SLCO4C1: variants seen among roughly 807,000 people sequenced by gnomAD.
The protein encoded by SLCO4C1 is solute carrier organic anion transporter family member 4C1, also known as organic anion transporter M1.
A neutral mutation model predicts 72.1 loss-of-function variants in SLCO4C1; 58 were observed. The ratio of observed to expected loss-of-function variants is 0.80; its 90% CI spans 0.65 to 1.00. The LOEUF (loss-of-function observed/expected upper bound fraction) is 1.00, where lower values mean the gene tolerates loss of function less well. Ranked by LOEUF, SLCO4C1 falls within the 50% of genes least tolerant of loss-of-function variation. The pLI is 0.00. For synonymous variants in SLCO4C1, 297 were observed against 312.5 expected, an observed-to-expected ratio of 0.95 and a Z score of 0.52; for missense variants, 898 against 857.9, an observed-to-expected ratio of 1.05 and a Z score of -0.58.
At chr5:102,269,352 AT>A (rs59773954) in intron 3 of SLCO4C1, among the ~76,000 whole-genome samples, 119,472 of 150,198 alleles carry the variant, frequency 0.8, 47,747 homozygotes, top group African/African-American at 0.9. Context: ...AGCTTTCTTT[AT>A]TTTTTTTTTC....
chr5:102,270,699 C>A lies in SLCO4C1; in HGVS notation c.727G>T (p.Gly243Ter). 1 of 1,613,152 alleles carries A rather than the reference C, an allele frequency of 6.2e-7. No homozygotes were observed. The highest frequency in any genetic ancestry group is 8.5e-7 in the Non-Finnish European group (1 of 1,179,490). ...ILGQLLLGAG[G>*]TPLYTLGTAF... is the part of the protein sequence containing the mutation. ...GTTCCCAGAGTATAAAGAGGAGTTCCTCCTGCCCCCAGCAATAGTTGTCCC... is the reference window on the plus strand; with the variant it reads ...GTTCCCAGAGTATAAAGAGGAGTTCATCCTGCCCCCAGCAATAGTTGTCCC... The change falls in exon 3 of 13, where the codon GGA becomes TGA. Residue 243 changes from glycine (G) to a stop codon, truncating the protein, a stop_gained. Transcript: ENST00000310954. LOFTEE classifies it high-confidence loss of function.
intron 3 of SLCO4C1, among the ~76,000 whole-genome samples, chr5:102,265,191 A>G (rs1397359930): frequency 6.6e-6 from 1 of 151,978 alleles, no homozygotes; most frequent in African/African-American, 2.4e-5. Context: ...TTGAGTTGTT[A>G]AAGTTCTTTA....
chr5:102,239,252 T>C lies in SLCO4C1; in HGVS notation c.2013A>G (p.Ile671Met). 6.4e-7 allele frequency: 1 copy of C among 1,563,454 alleles called. No homozygotes were observed. The highest frequency in any genetic ancestry group is 8.6e-7 in the Non-Finnish European group (1 of 1,160,206). The change falls in exon 12 of 13, where the codon ATA becomes ATG. Residue 671 changes from isoleucine to methionine, a missense_variant and splice_region_variant. Physicochemically the swap from Ile to Met is conservative, Grantham distance 10. Coordinates refer to ENST00000310954, the MANE Select transcript of SLCO4C1 (RefSeq NM_180991.5). The part of the protein sequence containing the change: ...NIKMAHMLVA[I>M]SVTCKVITMF... ...AATTATCAAGAAGTCACCACTTACT[T>C]ATGGCTACTAGCATATGGGCCATCT...
intron 2 of SLCO4C1, among the ~76,000 whole-genome samples, chr5:102,273,773 A>G (rs1437788172): frequency 1.3e-5 from 2 of 152,218 alleles, no homozygotes; most frequent in African/African-American, 4.8e-5. Flanking sequence ...AATCAGAAGC[A>G]AATTGTACTT....
chr5:102,256,941 T>A (rs72777939), intron 8 of SLCO4C1, among the ~76,000 whole-genome samples, 174 bp downstream of exon 8: 17,921 of 152,172 alleles, frequency 0.12, 1,262 homozygotes, highest in African/African-American at 0.16. Flanking sequence ...TCCCCAACTT[T>A]TAAGAAGACA....
intron 8 of SLCO4C1, among the ~76,000 whole-genome samples, chr5:102,255,625 T>C (rs570376108): frequency 2.8e-4 from 43 of 152,280 alleles, no homozygotes; most frequent in African/African-American, 9.6e-4. Flanking sequence ...TGGTTTAGCA[T>C]ATTCCCTCTC....
In SLCO4C1 at chr5:102,291,501, G is replaced by A; in HGVS notation, c.461C>T (p.Ser154Leu). 6.2e-7 allele frequency: 1 copy of A among 1,614,062 alleles called. No homozygotes were observed. The highest frequency in any genetic ancestry group is 8.5e-7 in the Non-Finnish European group (1 of 1,179,994). The change falls in exon 2 of 13, where the codon TCA (serine) becomes TTA (leucine). Residue 154 changes from serine to leucine, a missense_variant. Transcript: ENST00000310954. ...TGLISSSYDI[S>L]FCLLSLFVSF... ...TACAAATAAAGACAACAAACAGAAT[G>A]AAATATCGTAGCTTGATGAAATCAG...
At chr5:102,292,930 G>A (rs368947601) in intron 1 of SLCO4C1, among the ~76,000 whole-genome samples, 15 of 151,972 alleles carry the variant, frequency 9.9e-5, no homozygotes, top group African/African-American at 3.6e-4. Context: ...AAAAACATCT[G>A]ATTGAATTAA....
Position 102,242,077 on chromosome 5 carries a change from C to T in SLCO4C1, c.1812-1295G>A, listed in dbSNP as rs565700388. On this transcript the variant is annotated intron_variant, in intron 10 of 12. Coordinates refer to ENST00000310954, the MANE Select transcript of SLCO4C1 (RefSeq NM_180991.5). ...CAATTGTGAGGCAATAAAATCACTG[C>T]TGTCCTGTTAGAGCAGAAAGGAAAA... 1.7e-4 allele frequency among the ~76,000 whole-genome samples: 26 copies of T among 152,278 alleles called. No homozygotes were observed. In the South Asian group the frequency reaches 5.4e-3, roughly 32 times the overall value.
chr5:102,276,997 G>A (rs1749258941), intron 2 of SLCO4C1, among the ~76,000 whole-genome samples: 1 of 151,994 alleles, frequency 6.6e-6, no homozygotes, highest in Admixed American at 6.6e-5. Context: ...AGTACCCAAC[G>A]AACATAGTGG....
At chr5:102,286,316 C>G (rs1233606430) in intron 2 of SLCO4C1, among the ~76,000 whole-genome samples, 1 of 152,048 alleles carries the variant, frequency 6.6e-6, no homozygotes, top group Non-Finnish European at 1.5e-5. Flanking sequence ...AACTACTTTT[C>G]TACAATTCCT....
intron 9 of SLCO4C1, among the ~76,000 whole-genome samples, 182 bp from the exon 10 acceptor site, chr5:102,247,624 A>C (rs1314164243): frequency 6.6e-6 from 1 of 152,164 alleles, no homozygotes; most frequent in Non-Finnish European, 1.5e-5. Flanking sequence ...CATATTTATG[A>C]TGTGGAATTA....
At chr5:102,287,976 G>T (rs1457715308) in intron 2 of SLCO4C1, among the ~76,000 whole-genome samples, 1 of 152,048 alleles carries the variant, frequency 6.6e-6, no homozygotes, top group Non-Finnish European at 1.5e-5. Context: ...ATACCACAAT[G>T]ACACTTCTGT....
At chr5:102,266,962 A>C (rs1749053196) in intron 3 of SLCO4C1, among the ~76,000 whole-genome samples, 1 of 152,158 alleles carries the variant, frequency 6.6e-6, no homozygotes, top group Non-Finnish European at 1.5e-5. Flanking sequence ...TAATTCTTGC[A>C]TCACTGAGAT....
At chr5:102,257,859 G>C (rs1436889636) in intron 7 of SLCO4C1, 84 bp downstream of exon 7, 1 of 1,240,432 alleles carries the variant, frequency 8.1e-7, no homozygotes, top group Non-Finnish European at 1.1e-6. Flanking sequence ...TTCAAGGAGG[G>C]CTACCTCAAA....
chr5:102,247,125 A>ATGATCTTG (rs1472842383), intron 10 of SLCO4C1, 127 bp downstream of exon 10: 2 of 574,632 alleles, frequency 3.5e-6, no homozygotes, highest in African/African-American at 3.8e-5. Flanking sequence ...CACAGAACTA[A>ATGATCTTG]TGATCTTGTA....
chr5:102,289,050 T>G (rs919755399), intron 2 of SLCO4C1, among the ~76,000 whole-genome samples: 2 of 152,006 alleles, frequency 1.3e-5, no homozygotes, highest in African/African-American at 4.8e-5. Context: ...GCAAGCTGAG[T>G]TTTTGCTTTC....
chr5:102,236,938 C>T lies in SLCO4C1; in HGVS notation c.2095G>A (p.Val699Met), dbSNP rs779079381. The T allele has an allele frequency of 1.2e-6, 2 of 1,612,668 alleles. No homozygotes were observed. The highest frequency in any genetic ancestry group is 2.2e-5 in the South Asian group (2 of 90,866). ...LYKPPPSATD[V>M]SFHKENAVVT... ...ACTGCATTCTCTTTATGAAATGACACATCTGTGGCTGATGGAGGTGGTTTA... is the reference window on the plus strand; with the variant it reads ...ACTGCATTCTCTTTATGAAATGACATATCTGTGGCTGATGGAGGTGGTTTA... The change falls in exon 13 of 13, where the codon GTG (valine) becomes ATG (methionine). Residue 699 changes from valine to methionine, a missense_variant. Transcript: ENST00000310954.
intron 4 of SLCO4C1, among the ~76,000 whole-genome samples, chr5:102,263,409 G>A (rs1275188260): frequency 1.3e-5 from 2 of 151,518 alleles, no homozygotes; most frequent in Non-Finnish European, 2.9e-5. Flanking sequence ...CAATGCATGG[G>A]GTCCTACATA....
Sources: gnomAD v4.1 joint callset for allele counts (sites outside exome capture counted in the v4.1 genomes callset) on GRCh38, gnomAD v4.1.1 for gene constraint, MANE v1.5 for transcripts, NCBI Gene and HGNC (gene_info 2026-07-23, HGNC 2026-07-21) for gene names.